The following TTN variants were observed in gnomAD, a reference collection of about 807,000 sequenced individuals.
The protein encoded by TTN is connectin.
TTN carries 1,525 observed loss-of-function variants against 3,223.0 expected under a neutral mutation model. The ratio of observed to expected loss-of-function variants is 0.47; its 90% CI spans 0.45 to 0.49. The LOEUF (loss-of-function observed/expected upper bound fraction) is 0.49. TTN is among the 20% of genes least tolerant of loss of function. The probability of loss-of-function intolerance (pLI) is 0.00; values close to 1 mark genes in which losing one functional copy is unlikely to be tolerated. For synonymous variants in TTN, 14,094 were observed against 15,161.0 expected (o/e 0.93, Z 5.17); for missense variants, 40,786 against 43,424.0 (o/e 0.94, Z 5.40).
In TTN at chr2:178,732,833, C is replaced by T; in HGVS notation, c.16342+1G>A. ...GATAAAATGCAAAGTCTCCAGCCAA[C>T]CTTGCACAATCAGGGCTCCACTGCT... On this transcript the variant is annotated splice_donor_variant, in intron 55 of 362. Coordinates refer to ENST00000589042, the MANE Select transcript of TTN (RefSeq NM_001267550.2). LOFTEE classifies it high-confidence loss of function. 1 of 1,607,152 alleles carries T rather than the reference C, an allele frequency of 6.2e-7. No individual in the cohort carries two copies. The highest frequency in any genetic ancestry group is 1.1e-5 in the South Asian group (1 of 90,240).
At chr2:178,742,525 AGCCTTTGTAATAAG>A (rs1171902170) in intron 47 of TTN, among the ~76,000 whole-genome samples, 1 of 152,160 alleles carries the variant, frequency 6.6e-6, no homozygotes, top group Non-Finnish European at 1.5e-5. Flanking sequence ...ACTTGAACAA[AGCCTTTGTAATAAG>A]GCATTAGCCA....
At chr2:178,759,548 C>T (rs1180899538) in intron 43 of TTN, among the ~76,000 whole-genome samples, 1 of 152,154 alleles carries the variant, frequency 6.6e-6, no homozygotes, top group Non-Finnish European at 1.5e-5. Flanking sequence ...AAGGTTTGAT[C>T]TGGGCTTGTA....
At position 178,551,703 on chromosome 2, in the gene TTN, T is replaced by C. The variant is rs1402068142; in HGVS notation, c.91197A>G (p.Val30399=). The part of the protein sequence containing the change: ...LVEGLDYQFR[V]YAENSAGLSS... ...TTAGGCCAGCAGAATTTTCAGCATA[T>C]ACACGGAATTGGTAATCCAGACCTT... The change falls in exon 335 of 363, where the codon GTA becomes GTG. Residue 30399 remains valine (V), a synonymous_variant. Coordinates refer to ENST00000589042, the MANE Select transcript of TTN (RefSeq NM_001267550.2). 6.2e-7 allele frequency: 1 copy of C among 1,613,404 alleles called. No homozygotes were observed. Among genetic ancestry groups the C allele is most frequent in the Admixed American group, 1.7e-5 (1 of 59,976 alleles).
At chr2:178,670,730 C>G (rs960058416) in intron 156 of TTN, among the ~76,000 whole-genome samples, 19 of 151,834 alleles carry the variant, frequency 1.3e-4, no homozygotes, top group Non-Finnish European at 2.9e-5. Flanking sequence ...CACATATTCA[C>G]TATGTATTTA....
At position 178,738,554 on chromosome 2, in the gene TTN, A is replaced by T. The variant is rs189974261; in HGVS notation, c.14093-194T>A. Reference sequence around the variant, plus strand: ...CAAAAGAAGACAATAAGCTTTTTTTAAAAAAAACCTATTCAATCATTGCTT... The same window carrying T: ...CAAAAGAAGACAATAAGCTTTTTTTTAAAAAAACCTATTCAATCATTGCTT... On this transcript the variant is annotated intron_variant, in intron 48 of 362. Coordinates refer to ENST00000589042, the MANE Select transcript of TTN (RefSeq NM_001267550.2). Among the ~76,000 whole-genome samples the T allele has an allele frequency of 3.0e-3, 453 of 152,106 alleles. 4 individuals are homozygous for T. Among genetic ancestry groups the T allele is most frequent in the East Asian group, 4.4e-3 (23 of 5,178 alleles).
At chr2:178,660,811 T>A (rs2064595589) in intron 180 of TTN, among the ~76,000 whole-genome samples, 1 of 150,320 alleles carries the variant, frequency 6.7e-6, no homozygotes, top group Admixed American at 6.6e-5. Context: ...GAATCTACAA[T>A]GAACTCAAAC....
intron 136 of TTN, 101 bp downstream of exon 136, chr2:178,681,560 A>G (rs750060872): frequency 1.5e-5 from 22 of 1,460,872 alleles, no homozygotes; most frequent in Non-Finnish European, 2.1e-5. Flanking sequence ...CCAAACACAC[A>G]CATAATTTGT....
chr2:178,745,735 T>C, intron 47 of TTN: 1 of 1,612,660 alleles, frequency 6.2e-7, no homozygotes. Flanking sequence ...ACCTTCTTCC[T>C]TGGACTAATT....
At position 178,735,507 on chromosome 2, in the gene TTN, T is replaced by G; in HGVS notation, c.14935+4A>C. The G allele has an allele frequency of 6.4e-7, 1 of 1,557,030 alleles. No individual in the cohort carries two copies. The highest frequency in any genetic ancestry group is 8.6e-7 in the Non-Finnish European group (1 of 1,157,746). ...ACTAGAAAATACATTCACACGTTTC[T>G]TACCTCTGACAGTGACTGTGGCTGA... On this transcript the variant is annotated splice_donor_region_variant and intron_variant, in intron 50 of 362. Coordinates refer to ENST00000589042, the MANE Select transcript of TTN (RefSeq NM_001267550.2).
chr2:178,787,339 T>C (rs1017352876), intron 13 of TTN, among the ~76,000 whole-genome samples: 1 of 152,052 alleles, frequency 6.6e-6, no homozygotes, highest in African/African-American at 2.4e-5. Context: ...GCAAATACCA[T>C]CTTCACTTTA....
intron 15 of TTN, 143 bp downstream of exon 15, chr2:178,785,477 G>C: frequency 8.1e-7 from 1 of 1,231,486 alleles, no homozygotes; most frequent in Non-Finnish European, 1.1e-6. Context: ...TAGGGTGTCT[G>C]GGCCCACTGT....
intron 240 of TTN, among the ~76,000 whole-genome samples, 174 bp downstream of exon 240, chr2:178,629,127 A>C (rs1036343810): frequency 2.6e-5 from 4 of 152,104 alleles, no homozygotes; most frequent in South Asian, 2.1e-4. Flanking sequence ...AAACCTAAGA[A>C]AAAATGCAAA....
In TTN at chr2:178,547,138, A is replaced by C; in HGVS notation, c.94387T>G (p.Cys31463Gly). 6.2e-7 allele frequency: 1 copy of C among 1,613,822 alleles called. No homozygotes were observed. Among genetic ancestry groups the C allele is most frequent in the Non-Finnish European group, 8.5e-7 (1 of 1,179,776 alleles). ...GTTACTTTGTAGTTGCACTCTAAGC[A>C]TGGCACTTTGTTTTCTTTCACCCAA... is the stretch of plus-strand genomic sequence containing the variant. ...ILWVKENKVP[C>G]LECNYKVTGL... Residue 31463 changes from cysteine (C) to glycine (G), a missense_variant, in exon 340 of 363, where the codon TGC becomes GGC. Cys to Gly is a radical substitution (Grantham distance 159). Coordinates refer to ENST00000589042, the MANE Select transcript of TTN (RefSeq NM_001267550.2).
rs376626305 is a variant in TTN at position 178,675,125 on chromosome 2, T to G, written c.34538-12A>C. 3 of 1,541,052 alleles carry G rather than the reference T, an allele frequency of 1.9e-6. No individual in the cohort carries two copies. Among genetic ancestry groups the G allele is most frequent in the East Asian group, 5.0e-5 (2 of 40,362 alleles). ...AGGCACCTCAGGAACTTGAGAGACATTGATTATTTTAGACACTTAAAATGC... is the reference window on the plus strand; with the variant it reads ...AGGCACCTCAGGAACTTGAGAGACAGTGATTATTTTAGACACTTAAAATGC... On this transcript the variant is annotated splice_polypyrimidine_tract_variant and intron_variant, in intron 149 of 362. Transcript: ENST00000589042.
In TTN at chr2:178,790,085, G is replaced by C; in HGVS notation, c.1831C>G (p.Pro611Ala). 1 of 1,612,728 alleles carries C rather than the reference G, an allele frequency of 6.2e-7. No homozygotes were observed. The highest frequency in any genetic ancestry group is 8.5e-7 in the Non-Finnish European group (1 of 1,179,320). ...IMKETRKTVV[P>A]KVIVATPKVK... ...TTGGGTGTGGCAACTATGACTTTAG[G>C]TACAACTGTTTTCCTAGTTTCCTTC... The change falls in exon 12 of 363, where the codon CCT (proline) becomes GCT (alanine). Residue 611 changes from proline (P) to alanine (A), a missense_variant. Physicochemically the swap from Pro to Ala is conservative, Grantham distance 27. Transcript: ENST00000589042.
In TTN at chr2:178,566,270, G is replaced by A. The variant is rs3731746; in HGVS notation, c.79862C>T (p.Thr26621Met). The A allele has an allele frequency of 0.19, 312,728 of 1,613,426 alleles. 37,074 individuals are homozygous for A. The highest frequency in any genetic ancestry group is 0.62 in the East Asian group (27,583 of 44,816). Residue 26621 changes from threonine to methionine, a missense_variant, in exon 326 of 363, where the codon ACG (threonine) becomes ATG (methionine). Thr to Met is a moderately conservative substitution (Grantham distance 81). Transcript: ENST00000589042. ...RIHIPFKGRP[T>M]PEITWSREEG... ...CTCTCGAGACCAAGTGATCTCAGGC[G>A]TTGGACGACCTTTGAATGGAATGTG...
chr2:178,701,647 T>G, intron 109 of TTN, 60 bp from the exon 110 acceptor site: 1 of 1,526,498 alleles, frequency 6.6e-7, no homozygotes, highest in East Asian at 2.3e-5. Flanking sequence ...ATTAGAAAAC[T>G]AAGGTGTGTT....
Position 178,584,743 on chromosome 2 carries a change from C to T in TTN, c.64898G>A (p.Arg21633Gln), listed in dbSNP as rs141965360. The change falls in exon 310 of 363, where the codon CGG becomes CAG. Residue 21633 changes from arginine to glutamine, a missense_variant. By Grantham distance (43) the Arg-to-Gln change is conservative. Coordinates refer to ENST00000589042, the MANE Select transcript of TTN (RefSeq NM_001267550.2). ...GCCAAATCGGTTTTCAGCACGGACC[C>T]GGAAGATGTACTCCTGGCCTGGGAT... ...KLIPGQEYIFRVRAENRFGIS... is the reference protein window; with the variant it reads ...KLIPGQEYIFQVRAENRFGIS... 6.3e-5 allele frequency: 101 copies of T among 1,613,452 alleles called. No individual in the cohort carries two copies. Among genetic ancestry groups the T allele is most frequent in the African/African-American group, 3.1e-4 (23 of 74,984 alleles).
chr2:178,755,681 T>A (rs560706200), intron 46 of TTN, among the ~76,000 whole-genome samples: 2 of 152,280 alleles, frequency 1.3e-5, no homozygotes, highest in East Asian at 3.9e-4. Flanking sequence ...TGACCTCAAG[T>A]GATCTGGCTG....
Sources: gnomAD v4.1 joint callset for allele counts (sites outside exome capture counted in the v4.1 genomes callset) on GRCh38, gnomAD v4.1.1 for gene constraint, MANE v1.5 for transcripts, NCBI Gene and HGNC (gene_info 2026-07-23, HGNC 2026-07-21) for gene names.